Variants in IQCM observed in about 807,000 individuals in gnomAD.
IQCM encodes the protein IQ motif containing M.
IQCM carries 45 observed loss-of-function variants against 57.6 expected under a neutral mutation model. The observed-to-expected ratio is 0.78, with a 90% CI of 0.62 to 1.00. IQCM has a LOEUF of 1.00. IQCM is among the 50% of genes least tolerant of loss of function. The probability of loss-of-function intolerance (pLI) is 0.00; values close to 1 mark genes in which losing one functional copy is unlikely to be tolerated. For missense variants in IQCM, 468 were observed against 511.6 expected (o/e 0.91, Z 0.82); for synonymous variants, 148 against 158.9 (o/e 0.93, Z 0.51).
chr4:149,697,034 G>A (rs1763391820), intron 5 of IQCM, among the ~76,000 whole-genome samples: 1 of 152,064 alleles, frequency 6.6e-6, no homozygotes, highest in South Asian at 2.1e-4. Context: ...AGAGAATAGA[G>A]GCCTGCATAT....
intron 13 of IQCM, among the ~76,000 whole-genome samples, chr4:149,364,834 T>G (rs752693640): frequency 6.6e-6 from 1 of 151,996 alleles, no homozygotes; most frequent in Non-Finnish European, 1.5e-5. Context: ...AACCTGGAAA[T>G]ATAAGGTTCA....
At chr4:149,422,941 T>A in intron 13 of IQCM, among the ~76,000 whole-genome samples, 1 of 152,032 alleles carries the variant, frequency 6.6e-6, no homozygotes, top group East Asian at 1.9e-4. Context: ...TTTACAAATT[T>A]TTTGCAATCC....
chr4:149,482,020 T>C (rs1222520535), intron 12 of IQCM, among the ~76,000 whole-genome samples: 1 of 151,670 alleles, frequency 6.6e-6, no homozygotes, highest in East Asian at 1.9e-4. Context: ...AATTCCTAGG[T>C]ATTTAATTTT....
intron 2 of IQCM, among the ~76,000 whole-genome samples, chr4:149,758,067 T>C (rs188641276): frequency 2.0e-5 from 3 of 152,160 alleles, no homozygotes; most frequent in East Asian, 1.9e-4. Flanking sequence ...GGTAAAAGAA[T>C]AGAAAAATAG....
intron 9 of IQCM, among the ~76,000 whole-genome samples, chr4:149,577,420 G>A (rs1751761733): frequency 6.6e-6 from 1 of 151,774 alleles, no homozygotes; most frequent in Non-Finnish European, 1.5e-5. Context: ...ATAATGAAAG[G>A]AATGATCCAG....
At chr4:149,601,787 G>C (rs369510735) in intron 8 of IQCM, among the ~76,000 whole-genome samples, 1 of 151,960 alleles carries the variant, frequency 6.6e-6, no homozygotes. Flanking sequence ...GGCCTGGCGC[G>C]GTGGCTCATG....
chr4:149,678,177 G>C (rs1442749707), intron 7 of IQCM, among the ~76,000 whole-genome samples: 1 of 151,684 alleles, frequency 6.6e-6, no homozygotes, highest in Non-Finnish European at 1.5e-5. Flanking sequence ...GTAAGGGAAG[G>C]TCCGAGAACC....
intron 3 of IQCM, among the ~76,000 whole-genome samples, chr4:149,739,972 T>C (rs1767303075): frequency 6.6e-6 from 1 of 152,182 alleles, no homozygotes; most frequent in Non-Finnish European, 1.5e-5. Context: ...AAAAAGAAAA[T>C]CTAGTTATGG....
chr4:149,691,986 A>G (rs1194883382), intron 5 of IQCM, among the ~76,000 whole-genome samples: 1 of 152,198 alleles, frequency 6.6e-6, no homozygotes, highest in Non-Finnish European at 1.5e-5. Flanking sequence ...AAGATATGGA[A>G]GAATGTACAC....
intron 7 of IQCM, among the ~76,000 whole-genome samples, chr4:149,640,640 T>C (rs961076067): frequency 6.6e-6 from 1 of 152,224 alleles, no homozygotes; most frequent in Non-Finnish European, 1.5e-5. Context: ...ATATCATCTT[T>C]AAGGCTTTTC....
At chr4:149,777,019 T>C (rs1410820969) in intron 2 of IQCM, among the ~76,000 whole-genome samples, 1 of 152,182 alleles carries the variant, frequency 6.6e-6, no homozygotes, top group Non-Finnish European at 1.5e-5. Flanking sequence ...GCTCCAGTTG[T>C]ATAAGGTTTT....
chr4:149,673,267 T>G (rs924444620), intron 7 of IQCM, among the ~76,000 whole-genome samples: 6 of 152,194 alleles, frequency 3.9e-5, no homozygotes, highest in African/African-American at 1.4e-4. Context: ...AATTCACACA[T>G]AACAATATTA....
intron 13 of IQCM, 52 bp downstream of exon 13, chr4:149,433,344 T>C: frequency 2.6e-6 from 2 of 763,490 alleles, no homozygotes; most frequent in Non-Finnish European, 1.8e-6. Context: ...ATATTTAATA[T>C]TATAAGGTAT....
At chr4:149,621,598 A>C (rs1333711946) in intron 7 of IQCM, among the ~76,000 whole-genome samples, 1 of 152,220 alleles carries the variant, frequency 6.6e-6, no homozygotes, top group Non-Finnish European at 1.5e-5. Flanking sequence ...AATAGCACTT[A>C]TAAAAATAAA....
chr4:149,522,552 A>G (rs1745761600), intron 12 of IQCM, among the ~76,000 whole-genome samples: 1 of 152,250 alleles, frequency 6.6e-6, no homozygotes, highest in African/African-American at 2.4e-5. Context: ...AAAGAGGATA[A>G]TCATTAAAGC....
intron 7 of IQCM, among the ~76,000 whole-genome samples, chr4:149,651,342 G>A (rs1759158967): frequency 6.6e-6 from 1 of 152,134 alleles, no homozygotes; most frequent in Admixed American, 6.6e-5. Context: ...CATATTTTTA[G>A]GACTCGACCT....
At chr4:149,811,158 ATCTT>A (rs1774532273) in intron 2 of IQCM, among the ~76,000 whole-genome samples, 1 of 152,210 alleles carries the variant, frequency 6.6e-6, no homozygotes, top group African/African-American at 2.4e-5. Flanking sequence ...GAACTGAAAT[ATCTT>A]TCAAGTCTAC....
intron 8 of IQCM, among the ~76,000 whole-genome samples, chr4:149,607,817 A>T (rs545338793): frequency 2.6e-5 from 4 of 151,912 alleles, no homozygotes; most frequent in Admixed American, 1.3e-4. Flanking sequence ...AAAACATACT[A>T]CCAAAGAAAA....
intron 2 of IQCM, among the ~76,000 whole-genome samples, chr4:149,806,597 T>G (rs1475112210): frequency 6.6e-6 from 1 of 152,010 alleles, no homozygotes; most frequent in East Asian, 1.9e-4. Flanking sequence ...TTTCTATGCC[T>G]AGAAATTGAG....
Sources: gnomAD v4.1 joint callset for allele counts (sites outside exome capture counted in the v4.1 genomes callset) on GRCh38, gnomAD v4.1.1 for gene constraint, MANE v1.5 for transcripts, NCBI Gene and HGNC (gene_info 2026-07-23, HGNC 2026-07-21) for gene names.